The following LRRC8C variants were observed in gnomAD, a reference collection of about 807,000 sequenced individuals.
The protein encoded by LRRC8C is volume-regulated anion channel subunit LRRC8C.
Under a neutral mutation model 55.3 loss-of-function variants are expected in LRRC8C, and 20 were observed. The ratio of observed to expected loss-of-function variants is 0.36; its 90% confidence interval spans 0.25 to 0.53. LRRC8C has a LOEUF of 0.53. Ranked by LOEUF, LRRC8C falls within the 20% of genes least tolerant of loss-of-function variation. The pLI is 0.92. For synonymous variants in LRRC8C, 376 were observed against 360.7 expected (o/e 1.04, Z -0.48); for missense variants, 659 against 951.4 (o/e 0.69, Z 4.04).
chr1:89,696,592 C>T (rs1372034643), intron 2 of LRRC8C, among the ~76,000 whole-genome samples: 1 of 152,092 alleles, frequency 6.6e-6, no homozygotes, highest in Non-Finnish European at 1.5e-5. Flanking sequence ...CCTAGGCTAC[C>T]ATCAACTTCC....
the LRRC8C span, among the ~76,000 whole-genome samples, chr1:89,619,578 CTT>C: frequency 7.9e-4 from 119 of 150,894 alleles, no homozygotes; most frequent in Non-Finnish European, 1.2e-3. Context: ...ACTAAGCTAA[CTT>C]ATAAGAAAAC....
At chr1:89,705,480 A>G (rs921591501) in intron 2 of LRRC8C, among the ~76,000 whole-genome samples, 1 of 147,846 alleles carries the variant, frequency 6.8e-6, no homozygotes, top group Non-Finnish European at 1.5e-5. Flanking sequence ...AAAATAAAAT[A>G]AATAAATAAA....
intron 2 of LRRC8C, among the ~76,000 whole-genome samples, chr1:89,708,960 A>T (rs1288486696): frequency 2.0e-5 from 3 of 151,734 alleles, no homozygotes; most frequent in Non-Finnish European, 1.5e-5. Flanking sequence ...TTTTTTTTCT[A>T]CTCAGCGCTC....
intron 1 of LRRC8C, among the ~76,000 whole-genome samples, chr1:89,644,425 A>G (rs1253219492): frequency 6.6e-6 from 1 of 152,216 alleles, no homozygotes; most frequent in Non-Finnish European, 1.5e-5. Context: ...TGCTGAGATT[A>G]CAGGCGTGAG....
Position 89,714,377 on chromosome 1 carries a change from C to T in LRRC8C, c.1807C>T (p.Arg603Cys), listed in dbSNP as rs372703605. ...GGAGCTGGTCCACTGTGACCTGGAGCGTATTCCTCATGCTGTGTTCAGCCT... is the reference window on the plus strand; with the variant it reads ...GGAGCTGGTCCACTGTGACCTGGAGTGTATTCCTCATGCTGTGTTCAGCCT... ...ELELVHCDLERIPHAVFSLLS... is the reference protein window; with the variant it reads ...ELELVHCDLECIPHAVFSLLS... Residue 603 changes from arginine to cysteine, a missense_variant, in exon 3 of 3, where the codon CGT becomes TGT. Arg to Cys is a radical substitution (Grantham distance 180). Transcript: ENST00000370454. This position sits in a 1 kb window ranked among gnomAD's most constrained non-coding sequence, Gnocchi z 4.6. The T allele has an allele frequency of 8.1e-6, 13 of 1,613,964 alleles. No homozygotes were observed. Among genetic ancestry groups the T allele is most frequent in the African/African-American group, 2.7e-5 (2 of 74,894 alleles).
At chr1:89,708,503 A>T (rs1400947655) in intron 2 of LRRC8C, 1 of 152,228 alleles carries the variant, frequency 6.6e-6, no homozygotes, top group African/African-American at 2.4e-5. Context: ...GGACAGATAA[A>T]ACAAAAATTT....
intron 1 of LRRC8C, among the ~76,000 whole-genome samples, chr1:89,669,385 C>A (rs1292542136): frequency 6.6e-6 from 1 of 152,000 alleles, no homozygotes. Flanking sequence ...CTATAGTTAC[C>A]CAAACTGTAT....
intron 2 of LRRC8C, among the ~76,000 whole-genome samples, chr1:89,699,041 T>TA (rs1658247951): frequency 6.6e-6 from 1 of 151,910 alleles, no homozygotes; most frequent in African/African-American, 2.4e-5. Context: ...TATATAGTGC[T>TA]AAAAATAAAA....
chr1:89,623,439 G>C, the LRRC8C span, among the ~76,000 whole-genome samples: 1 of 152,130 alleles, frequency 6.6e-6, no homozygotes, highest in East Asian at 1.9e-4. Context: ...TGCCACAAGA[G>C]AGGCTGGGCA....
At chr1:89,622,964 G>T in the LRRC8C span, among the ~76,000 whole-genome samples, 1 of 152,122 alleles carries the variant, frequency 6.6e-6, no homozygotes, top group East Asian at 1.9e-4. Context: ...CTATTATCTG[G>T]AGCATTTTAC....
chr1:89,679,875 C>T (rs1210508958), intron 1 of LRRC8C, among the ~76,000 whole-genome samples: 1 of 152,150 alleles, frequency 6.6e-6, no homozygotes, highest in Admixed American at 6.5e-5. Context: ...ACAGTGTTAG[C>T]AATCGTGTTG....
At chr1:89,630,938 T>C (rs1198666285), upstream of LRRC8C, among the ~76,000 whole-genome samples, 1 of 152,156 alleles carries the variant, frequency 6.6e-6, no homozygotes, top group Middle Eastern at 3.2e-3. Flanking sequence ...TGCATGTGAA[T>C]CACCTGCCTA....
At chr1:89,622,625 G>T in the LRRC8C span, among the ~76,000 whole-genome samples, 1 of 152,078 alleles carries the variant, frequency 6.6e-6, no homozygotes, top group East Asian at 1.9e-4. Flanking sequence ...GAGCCACCGC[G>T]CCTGGCCTAC....
At chr1:89,702,121 T>C (rs553005132) in intron 2 of LRRC8C, among the ~76,000 whole-genome samples, 87 of 152,182 alleles carry the variant, frequency 5.7e-4, no homozygotes, top group African/African-American at 1.8e-3. Flanking sequence ...TCCACTGTCT[T>C]GCAGACTGAC....
chr1:89,684,347 A>G (rs1657811573), intron 1 of LRRC8C, among the ~76,000 whole-genome samples: 1 of 152,240 alleles, frequency 6.6e-6, no homozygotes, highest in African/African-American at 2.4e-5. Context: ...ACAATAGACT[A>G]TAACACAGGT....
At chr1:89,708,571 G>T (rs1658553490) in intron 2 of LRRC8C, 1 of 151,956 alleles carries the variant, frequency 6.6e-6, no homozygotes, top group Non-Finnish European at 1.5e-5. Flanking sequence ...TTAACCTTTT[G>T]AAGAAGAAGA....
At chr1:89,680,377 A>C (rs1480925857) in intron 1 of LRRC8C, among the ~76,000 whole-genome samples, 2 of 150,944 alleles carry the variant, frequency 1.3e-5, no homozygotes, top group Non-Finnish European at 3.0e-5. Flanking sequence ...GTGCCCGGCC[A>C]ACTTTACCAA....
chr1:89,705,772 C>T (rs1338796284), intron 2 of LRRC8C, among the ~76,000 whole-genome samples: 2 of 152,046 alleles, frequency 1.3e-5, no homozygotes, highest in Non-Finnish European at 2.9e-5. Context: ...GAGCAAGACC[C>T]TGTCTCAAAA....
chr1:89,628,223 G>A (rs575757539), upstream of LRRC8C, among the ~76,000 whole-genome samples: 3 of 151,640 alleles, frequency 2.0e-5, no homozygotes, highest in African/African-American at 4.8e-5. Context: ...GGTACTGTAG[G>A]GAGCAAAAAG....
Sources: gnomAD v4.1 joint callset for allele counts (sites outside exome capture counted in the v4.1 genomes callset) on GRCh38, gnomAD v4.1.1 for gene constraint, Gnocchi (gnomAD v3.1) non-coding constraint, MANE v1.5 for transcripts, NCBI Gene and HGNC (gene_info 2026-07-23, HGNC 2026-07-21) for gene names.